The following ADGRL2 variants were observed in gnomAD, a reference collection of about 807,000 sequenced individuals.
ADGRL2 encodes the protein adhesion G protein-coupled receptor L2.
ADGRL2 carries 44 observed loss-of-function variants against 157.4 expected under a neutral mutation model. That is an observed-to-expected ratio of 0.28 (90% confidence interval 0.22 to 0.36). The LOEUF is 0.36. Among genes scored for constraint, ADGRL2 ranks in the 10% least tolerant of loss-of-function variants. ADGRL2 has a pLI of 1.00. For missense variants in ADGRL2, 1,510 were observed against 1,768.9 expected, an observed-to-expected ratio of 0.85 and a Z score of 2.63; for synonymous variants, 585 against 624.7, an observed-to-expected ratio of 0.94 and a Z score of 0.95.
At chr1:81,456,609 C>T (rs183042741) in intron 2 of ADGRL2, among the ~76,000 whole-genome samples, 105 of 151,960 alleles carry the variant, frequency 6.9e-4, no homozygotes, top group African/African-American at 2.3e-3. Flanking sequence ...TGTATTTGGC[C>T]CCATAAATCC....
At chr1:81,919,871 C>G (rs2094938669) in intron 3 of ADGRL2, among the ~76,000 whole-genome samples, 2 of 152,066 alleles carry the variant, frequency 1.3e-5, no homozygotes, top group Admixed American at 1.3e-4. Context: ...GTTCAAGGCA[C>G]TTTTATATAT....
intron 3 of ADGRL2, among the ~76,000 whole-genome samples, chr1:81,674,769 T>G (rs1265204913): frequency 1.3e-5 from 2 of 152,046 alleles, no homozygotes; most frequent in Non-Finnish European, 2.9e-5. Context: ...CTCATGGAAA[T>G]CAAAGAAATT....
At chr1:81,322,413 A>T (rs988624732) in intron 1 of ADGRL2, among the ~76,000 whole-genome samples, 4 of 152,052 alleles carry the variant, frequency 2.6e-5, no homozygotes, top group Admixed American at 2.6e-4. Context: ...GTGCGTAATG[A>T]TGTATATCAG....
chr1:81,855,615 C>A (rs1016097643), intron 2 of ADGRL2, among the ~76,000 whole-genome samples: 1 of 151,538 alleles, frequency 6.6e-6, no homozygotes, highest in Non-Finnish European at 1.5e-5. Flanking sequence ...ATTTTCAATG[C>A]GAATATGTTG....
At chr1:81,698,905 C>T (rs2083500279), upstream of ADGRL2, among the ~76,000 whole-genome samples, 1 of 152,086 alleles carries the variant, frequency 6.6e-6, no homozygotes, top group South Asian at 2.1e-4. Flanking sequence ...TTTAATACCA[C>T]AATCAACAAT....
chr1:81,936,007 G>T (rs1218331657), intron 3 of ADGRL2, among the ~76,000 whole-genome samples: 2 of 151,744 alleles, frequency 1.3e-5, no homozygotes, highest in Non-Finnish European at 2.9e-5. Flanking sequence ...TTGAACCGAG[G>T]TACATAGTCA....
intron 3 of ADGRL2, among the ~76,000 whole-genome samples, chr1:81,916,515 G>A (rs2094858613): frequency 6.6e-6 from 1 of 151,542 alleles, no homozygotes. Context: ...AAAATTCATA[G>A]ACAAATGCTA....
At chr1:81,608,015 C>A (rs1288287467) in intron 3 of ADGRL2, among the ~76,000 whole-genome samples, 1 of 152,038 alleles carries the variant, frequency 6.6e-6, no homozygotes, top group Non-Finnish European at 1.5e-5. Context: ...CTCTGAGGGC[C>A]AAGGAAAGGA....
chr1:81,412,519 C>A (rs773883143), intron 1 of ADGRL2, among the ~76,000 whole-genome samples: 4 of 152,178 alleles, frequency 2.6e-5, no homozygotes, highest in Non-Finnish European at 5.9e-5. Context: ...GCTATCATGT[C>A]ATGTATCACA....
intron 1 of ADGRL2, among the ~76,000 whole-genome samples, chr1:81,429,138 CT>C (rs60847229): frequency 0.94 from 138,816 of 147,934 alleles, 65,400 homozygotes; most frequent in Non-Finnish European, 0.99. Context: ...TCAAAAGCAG[CT>C]TTTTTTTTTT....
At chr1:81,676,217 G>A (rs2082985439) in intron 3 of ADGRL2, among the ~76,000 whole-genome samples, 1 of 151,896 alleles carries the variant, frequency 6.6e-6, no homozygotes, top group Non-Finnish European at 1.5e-5. Context: ...CACCATATTG[G>A]CCAGGCTGGT....
Position 81,547,121 on chromosome 1 carries a change from G to T in ADGRL2, c.-247-33755G>T, listed in dbSNP as rs2080036801. ...CTGCTTTGGCAAAGTTGCCAGGCAA[G>T]ACCTTCACCTACTTTCAGCCAGATG... is the stretch of plus-strand genomic sequence containing the variant. On this transcript the variant is annotated intron_variant, in intron 2 of 24. Coordinates refer to the ADGRL2 transcript ENST00000370721. 2.0e-5 allele frequency among the ~76,000 whole-genome samples: 3 copies of T among 152,138 alleles called. No homozygotes were observed. In the South Asian group the frequency reaches 6.2e-4, roughly 32 times the overall value.
chr1:81,868,060 G>T lies in ADGRL2; in HGVS notation c.73+31003G>T, dbSNP rs866589148. On this transcript the variant is annotated intron_variant, in intron 2 of 23. Transcript: ENST00000686636. ...ACTTTGGGCAAGGCTGTGTGTGTGT[G>T]GTGTGTGTGTGTGTGTGTGTGTGTG... Among the ~76,000 whole-genome samples, 63 of 145,658 alleles carry T rather than the reference G, an allele frequency of 4.3e-4. 1 individual carries two copies. Among genetic ancestry groups the T allele is most frequent in the African/African-American group, 1.5e-3 (58 of 39,676 alleles).
chr1:81,772,727 C>T (rs1236157345), intron 2 of ADGRL2, among the ~76,000 whole-genome samples: 1 of 151,208 alleles, frequency 6.6e-6, no homozygotes, highest in Admixed American at 6.6e-5. Context: ...AGACTCCATC[C>T]CAAAAAAAGA....
intron 1 of ADGRL2, among the ~76,000 whole-genome samples, chr1:81,810,517 A>T (rs1275646844): frequency 6.6e-6 from 1 of 151,926 alleles, no homozygotes; most frequent in Non-Finnish European, 1.5e-5. Flanking sequence ...CACATTTCTT[A>T]TGTACCATTT....
intron 3 of ADGRL2, among the ~76,000 whole-genome samples, chr1:81,910,247 T>TAAG: frequency 9.7e-6 from 1 of 103,120 alleles, no homozygotes; most frequent in Non-Finnish European, 2.4e-5. Context: ...TAAAAAACAA[T>TAAG]AATAATAATA....
chr1:81,510,641 G>A lies in ADGRL2; in HGVS notation c.-248+65552G>A, dbSNP rs570962113. The stretch of plus-strand genomic sequence containing the variant: ...TGCTGAAAGGCTATTATTAGACATA[G>A]ATTATAGTTACAGTGAAAACTGGGA... On this transcript the variant is annotated intron_variant, in intron 2 of 24. Coordinates refer to the ADGRL2 transcript ENST00000370721. Among the ~76,000 whole-genome samples the A allele has an allele frequency of 7.9e-5, 12 of 152,314 alleles. No individual in the cohort carries two copies. The East Asian group carries it at 2.1e-3, about 27-fold the overall frequency.
intron 2 of ADGRL2, chr1:81,557,482 G>GAAAGAAAGAAAAGA (rs370696204): frequency 8.3e-6 from 1 of 119,968 alleles, no homozygotes; most frequent in African/African-American, 3.1e-5. Context: ...AAGAAAGAAA[G>GAAAGAAAGAAAAGA]AAGAAAGAAA....
intron 2 of ADGRL2, among the ~76,000 whole-genome samples, chr1:81,767,642 C>T (rs2086183782): frequency 6.6e-6 from 1 of 151,908 alleles, no homozygotes; most frequent in Admixed American, 6.6e-5. Context: ...GAGGTCGAGG[C>T]AGGAGGATCA....
Sources: allele counts gnomAD v4.1 joint callset (sites outside exome capture counted in the v4.1 genomes callset), GRCh38; gene constraint gnomAD v4.1.1; transcripts MANE v1.5; gene names NCBI Gene and HGNC (gene_info 2026-07-23, HGNC 2026-07-21).